EYS: variants seen among roughly 807,000 people sequenced by gnomAD.
EYS encodes protein eyes shut homolog.
In EYS, 250 loss-of-function variants were observed where a neutral mutation model predicts 282.1. The observed-to-expected ratio is 0.89, with a 90% CI of 0.80 to 0.98. EYS has a LOEUF of 0.98. EYS is among the 50% of genes least tolerant of loss of function. EYS has a pLI of 0.00. For synonymous variants in EYS, 1,355 were observed against 1,282.9 expected (o/e 1.06, Z -1.20); for missense variants, 4,016 against 3,709.0 (o/e 1.08, Z -2.15).
chr6:64,719,070 C>T (rs960341882), intron 22 of EYS, among the ~76,000 whole-genome samples: 1 of 152,152 alleles, frequency 6.6e-6, no homozygotes, highest in African/African-American at 2.4e-5. Flanking sequence ...ATTTGAAATT[C>T]TTGACAAGCC....
intron 12 of EYS, among the ~76,000 whole-genome samples, chr6:65,285,292 A>G (rs1214527428): frequency 2.0e-5 from 3 of 151,824 alleles, no homozygotes; most frequent in Admixed American, 1.3e-4. Flanking sequence ...ATTTTTTTCT[A>G]TTTTCCATGG....
intron 29 of EYS, among the ~76,000 whole-genome samples, chr6:64,326,750 T>C (rs918957425): frequency 6.6e-6 from 1 of 152,100 alleles, no homozygotes. Context: ...AGAATGGCCC[T>C]CCTGCATTCT....
chr6:65,661,493 C>T (rs1490969616), intron 1 of EYS, among the ~76,000 whole-genome samples: 2 of 151,956 alleles, frequency 1.3e-5, no homozygotes, highest in African/African-American at 4.8e-5. Flanking sequence ...AAGTATTTTC[C>T]TATTTAGCTC....
intron 29 of EYS, among the ~76,000 whole-genome samples, chr6:64,357,377 T>C (rs1276936303): frequency 6.6e-6 from 1 of 151,608 alleles, no homozygotes; most frequent in Non-Finnish European, 1.5e-5. Context: ...ATAAATTGAG[T>C]TGATAGATGA....
At chr6:64,821,528 A>G (rs2150021850) in intron 21 of EYS, 117 bp downstream of exon 21, 1 of 538,488 alleles carries the variant, frequency 1.9e-6, no homozygotes, top group Non-Finnish European at 3.3e-6. Flanking sequence ...AGATGAGAGA[A>G]CAGTTAAATC....
In EYS at chr6:65,414,162, T is replaced by G. The variant is rs1311500062; in HGVS notation, c.863-8795A>C. On this transcript the variant is annotated intron_variant, in intron 5 of 42. Coordinates refer to ENST00000503581, the MANE Select transcript of EYS (RefSeq NM_001142800.2). ...AACAGCAAATGCAAAGACTTTGAGT[T>G]GAGAGCATGCTTAGGTATTCAAGAA... is the stretch of plus-strand genomic sequence containing the variant. Among the ~76,000 whole-genome samples, 3 of 152,082 alleles carry G rather than the reference T, an allele frequency of 2.0e-5. 1 individual carries two copies. Among genetic ancestry groups the G allele is most frequent in the Non-Finnish European group, 4.4e-5 (3 of 68,012 alleles).
At chr6:64,655,085 T>G (rs1368535837) in intron 22 of EYS, among the ~76,000 whole-genome samples, 1 of 152,164 alleles carries the variant, frequency 6.6e-6, no homozygotes, top group Non-Finnish European at 1.5e-5. Flanking sequence ...TCAAAGAACT[T>G]ATCATTCATG....
In EYS at chr6:64,528,170, G is replaced by A. The variant is rs182741841; in HGVS notation, c.5644+62053C>T. Reference sequence around the variant, plus strand: ...TTTCCAAAGTTTGAAAATTGATTGCGGTATATTTCATGTTCCTCCAGGTTT... The same window carrying A: ...TTTCCAAAGTTTGAAAATTGATTGCAGTATATTTCATGTTCCTCCAGGTTT... On this transcript the variant is annotated intron_variant, in intron 26 of 42. Transcript: ENST00000503581. Among the ~76,000 whole-genome samples, 53 of 151,854 alleles carry A rather than the reference G, an allele frequency of 3.5e-4. No individual in the cohort carries two copies. The East Asian group carries it at 5.8e-3, about 17-fold the overall frequency.
intron 36 of EYS, among the ~76,000 whole-genome samples, chr6:63,841,536 C>T (rs1771959008): frequency 6.6e-6 from 1 of 152,196 alleles, no homozygotes; most frequent in Admixed American, 6.5e-5. Flanking sequence ...GTCCGTATTG[C>T]AAGCATTCAA....
chr6:65,326,186 A>T (rs1184393975), intron 11 of EYS, among the ~76,000 whole-genome samples: 1 of 151,826 alleles, frequency 6.6e-6, no homozygotes, highest in Non-Finnish European at 1.5e-5. Flanking sequence ...TTTATATAAC[A>T]CCTGTATCTG....
intron 16 of EYS, among the ~76,000 whole-genome samples, chr6:64,911,338 C>A (rs1210613374): frequency 6.6e-6 from 1 of 151,970 alleles, no homozygotes; most frequent in Non-Finnish European, 1.5e-5. Flanking sequence ...GCTATTTTTG[C>A]AAAATCAATT....
intron 2 of EYS, among the ~76,000 whole-genome samples, chr6:65,497,132 G>T (rs1766284255): frequency 6.6e-6 from 1 of 151,844 alleles, no homozygotes; most frequent in Non-Finnish European, 1.5e-5. Flanking sequence ...TATCAATCTT[G>T]CTAAAGGTTT....
intron 25 of EYS, among the ~76,000 whole-genome samples, chr6:64,592,343 G>A (rs1001926751): frequency 2.0e-5 from 3 of 151,936 alleles, no homozygotes; most frequent in African/African-American, 4.8e-5. Context: ...TGACCCATCG[G>A]GTTAGAAATG....
chr6:64,862,497 A>C (rs1032026145), intron 19 of EYS, among the ~76,000 whole-genome samples: 1 of 151,874 alleles, frequency 6.6e-6, no homozygotes, highest in African/African-American at 2.4e-5. Context: ...TTATTCCTAC[A>C]TTTCTGCTAT....
chr6:64,841,223 C>A (rs1368408227), intron 19 of EYS, among the ~76,000 whole-genome samples: 2 of 152,038 alleles, frequency 1.3e-5, no homozygotes, highest in Non-Finnish European at 2.9e-5. Flanking sequence ...AAAGGCAGAA[C>A]AACACTTAAT....
intron 13 of EYS, among the ~76,000 whole-genome samples, chr6:65,056,754 G>A (rs569937121): frequency 2.3e-4 from 35 of 152,146 alleles, no homozygotes; most frequent in Middle Eastern, 3.4e-3. Context: ...TTAGAACATT[G>A]TTGGAAATTA....
At chr6:64,242,997 AATT>A (rs1201786688) in intron 30 of EYS, among the ~76,000 whole-genome samples, 3 of 147,086 alleles carry the variant, frequency 2.0e-5, no homozygotes, top group African/African-American at 4.9e-5. Context: ...GATATAAACT[AATT>A]ATAATTTATA....
chr6:65,108,017 T>C (rs936087302), intron 12 of EYS, among the ~76,000 whole-genome samples: 5 of 152,116 alleles, frequency 3.3e-5, no homozygotes, highest in African/African-American at 1.2e-4. Context: ...CAATCATGTT[T>C]TTAAAGAAAT....
chr6:64,631,132 T>C (rs1240023322), intron 22 of EYS: 1 of 152,142 alleles, frequency 6.6e-6, no homozygotes, highest in Non-Finnish European at 1.5e-5. Context: ...GACAAGTTGA[T>C]TTTGCAGCAT....
Sources: gnomAD v4.1 joint callset for allele counts (sites outside exome capture counted in the v4.1 genomes callset) on GRCh38, gnomAD v4.1.1 for gene constraint, MANE v1.5 for transcripts, NCBI Gene and HGNC (gene_info 2026-07-23, HGNC 2026-07-21) for gene names.